The following KALRN variants were observed in gnomAD, a reference collection of about 807,000 sequenced individuals.
KALRN encodes kalirin.
A neutral mutation model predicts 353.7 loss-of-function variants in KALRN; 70 were observed. The observed-to-expected ratio is 0.20, with a 90% CI of 0.16 to 0.24. The LOEUF (loss-of-function observed/expected upper bound fraction) is 0.24. Among genes scored for constraint, KALRN ranks in the 10% least tolerant of loss-of-function variants. The pLI, the probability that KALRN is intolerant of heterozygous loss-of-function variation, is 1.00. For missense variants in KALRN, 2,791 were observed against 3,756.7 expected, an observed-to-expected ratio of 0.74 and a Z score of 6.72; for synonymous variants, 1,391 against 1,434.8, an observed-to-expected ratio of 0.97 and a Z score of 0.69.
chr3:124,453,745 T>C (rs1310125851), intron 21 of KALRN, among the ~76,000 whole-genome samples: 1 of 152,234 alleles, frequency 6.6e-6, no homozygotes, highest in Non-Finnish European at 1.5e-5. Flanking sequence ...GATTAAAAAA[T>C]AAGCAGCAGT....
chr3:124,565,836 G>A (rs755217235), intron 34 of KALRN, among the ~76,000 whole-genome samples: 1 of 152,224 alleles, frequency 6.6e-6, no homozygotes, highest in Non-Finnish European at 1.5e-5. Context: ...CTGTGATCCC[G>A]AAGTGGGAGG....
intron 1 of KALRN, among the ~76,000 whole-genome samples, chr3:124,184,009 G>A (rs1266438905): frequency 2.0e-5 from 3 of 152,170 alleles, no homozygotes; most frequent in East Asian, 3.9e-4. Context: ...AGAAGAAGGG[G>A]CAATTATATG....
chr3:124,343,420 A>G (rs2081973614), intron 9 of KALRN, among the ~76,000 whole-genome samples: 1 of 152,136 alleles, frequency 6.6e-6, no homozygotes, highest in Non-Finnish European at 1.5e-5. Context: ...TCTGCCTCCC[A>G]AAGGGACAGG....
In KALRN at chr3:124,223,981, C is replaced by A. The variant is rs371985191; in HGVS notation, c.74-4009C>A. 1.2e-4 allele frequency among the ~76,000 whole-genome samples: 18 copies of A among 152,280 alleles called. No homozygotes were observed. The East Asian group carries it at 2.5e-3, about 21-fold the overall frequency. On this transcript the variant is annotated intron_variant, in intron 1 of 59. Coordinates refer to ENST00000682506, the MANE Select transcript of KALRN (RefSeq NM_001388419.1). ...TTGTACTTCCTTAATAGATGTGGAGCATTTCAACTTTGCTAATTAACGGAA... is the reference window on the plus strand; with the variant it reads ...TTGTACTTCCTTAATAGATGTGGAGAATTTCAACTTTGCTAATTAACGGAA...
At chr3:124,256,426 A>G (rs182765456) in intron 3 of KALRN, among the ~76,000 whole-genome samples, 2 of 152,298 alleles carry the variant, frequency 1.3e-5, no homozygotes, top group East Asian at 3.9e-4. Flanking sequence ...AGGCCAACAA[A>G]CTGGTTGTGT....
chr3:124,557,171 C>T (rs1276383231), intron 33 of KALRN, among the ~76,000 whole-genome samples: 4 of 151,998 alleles, frequency 2.6e-5, no homozygotes, highest in Admixed American at 6.5e-5. Flanking sequence ...CAAATGATCC[C>T]GTCACCTAGA....
At chr3:124,155,184 A>C (rs1284735793) in intron 1 of KALRN, among the ~76,000 whole-genome samples, 2 of 152,228 alleles carry the variant, frequency 1.3e-5, no homozygotes, top group African/African-American at 4.8e-5. Flanking sequence ...ATTACCATTC[A>C]GGACATAGGC....
At chr3:124,597,835 C>G (rs1050674518) in intron 34 of KALRN, among the ~76,000 whole-genome samples, 1 of 152,102 alleles carries the variant, frequency 6.6e-6, no homozygotes, top group Admixed American at 6.5e-5. Context: ...TGCAATAAAA[C>G]TAATTTCACC....
chr3:124,361,811 G>A (rs1178665082), intron 10 of KALRN, among the ~76,000 whole-genome samples: 1 of 151,744 alleles, frequency 6.6e-6, no homozygotes, highest in Non-Finnish European at 1.5e-5. Flanking sequence ...GCAGCAGTGG[G>A]GGTGGGGAGT....
chr3:124,643,926 C>G (rs2082394778), intron 37 of KALRN, among the ~76,000 whole-genome samples: 1 of 152,120 alleles, frequency 6.6e-6, no homozygotes, highest in Admixed American at 6.5e-5. Flanking sequence ...ACAAAAGTAG[C>G]TAAAATTTAT....
In KALRN at chr3:124,659,282, G is replaced by A. The variant is rs920680502; in HGVS notation, c.6124-83G>A. 18 of 901,422 alleles carry A rather than the reference G, an allele frequency of 2.0e-5. No homozygotes were observed. The Admixed American group carries it at 3.2e-4, about 16-fold the overall frequency. 55.8% of individuals were successfully genotyped at this position (901,422 alleles called of 1,614,324 possible). On this transcript the variant is annotated intron_variant, in intron 42 of 59. Coordinates refer to ENST00000682506, the MANE Select transcript of KALRN (RefSeq NM_001388419.1). The stretch of plus-strand genomic sequence containing the variant: ...ACTTCATTGGAAAACATGCAGACCT[G>A]TCTTCCATGCCTTTGAACCCTTATT...
intron 13 of KALRN, chr3:124,410,220 C>T (rs760526153): frequency 5.6e-6 from 3 of 533,116 alleles, no homozygotes; most frequent in Middle Eastern, 3.2e-4. Context: ...ACCGTCGGCA[C>T]CTTCCACTCC....
At position 124,492,782 on chromosome 3, in the gene KALRN, C is replaced by T. The variant is rs201046827; in HGVS notation, c.4732C>T (p.Arg1578Ter). The change falls in exon 32 of 60, where the codon CGA becomes TGA. Residue 1578 changes from arginine (R) to a stop codon, truncating the protein, a stop_gained. Coordinates refer to ENST00000682506, the MANE Select transcript of KALRN (RefSeq NM_001388419.1). LOFTEE classifies it high-confidence loss of function. ...CAAGCAGGAGTGGATCAAGAACATT[C>T]GAGAAGTGATTCAAGAAAGGATCAT... is the stretch of plus-strand genomic sequence containing the variant. ...ETKQEWIKNI[R>*]EVIQERIIHL... 1.2e-6 allele frequency: 2 copies of T among 1,613,928 alleles called. No individual in the cohort carries two copies. Among genetic ancestry groups the T allele is most frequent in the Non-Finnish European group, 1.7e-6 (2 of 1,179,978 alleles).
chr3:124,584,876 G>A, intron 34 of KALRN: 1 of 1,606,004 alleles, frequency 6.2e-7, no homozygotes, highest in Non-Finnish European at 8.5e-7. Flanking sequence ...GTGGCTCTTT[G>A]CTAAGTGCTG....
intron 1 of KALRN, among the ~76,000 whole-genome samples, chr3:124,051,655 T>G (rs1037885072): frequency 6.6e-6 from 1 of 152,172 alleles, no homozygotes; most frequent in Non-Finnish European, 1.5e-5. Flanking sequence ...CCTCTTTTGA[T>G]GCGGAAAACT....
At chr3:124,649,687 C>CT (rs1321786284) in intron 37 of KALRN, among the ~76,000 whole-genome samples, 1 of 151,646 alleles carries the variant, frequency 6.6e-6, no homozygotes, top group East Asian at 1.9e-4. Context: ...ATTTGGGAGG[C>CT]TGAGGTGAGA....
chr3:124,577,782 C>T (rs2074256750), intron 34 of KALRN, among the ~76,000 whole-genome samples: 1 of 151,976 alleles, frequency 6.6e-6, no homozygotes, highest in Non-Finnish European at 1.5e-5. Flanking sequence ...GAGGTGGGAG[C>T]CCATGATTTT....
chr3:124,326,227 A>G, intron 7 of KALRN, 56 bp downstream of exon 7: 4 of 1,497,466 alleles, frequency 2.7e-6, no homozygotes, highest in Non-Finnish European at 3.7e-6. Context: ...GGGCATGGGC[A>G]GGGGAGGGCT....
chr3:124,170,378 A>G (rs2071564456), intron 1 of KALRN, among the ~76,000 whole-genome samples: 1 of 152,228 alleles, frequency 6.6e-6, no homozygotes, highest in South Asian at 2.1e-4. Context: ...CTATGCATGC[A>G]AAATCCCAGT....
Sources: gnomAD v4.1 joint callset for allele counts (sites outside exome capture counted in the v4.1 genomes callset) on GRCh38, gnomAD v4.1.1 for gene constraint, MANE v1.5 for transcripts, NCBI Gene and HGNC (gene_info 2026-07-23, HGNC 2026-07-21) for gene names.